The following SEC14L1 variants were observed in gnomAD, a reference collection of about 807,000 sequenced individuals.
SEC14L1 encodes the protein SEC14-like protein 1.
Under a neutral mutation model 85.3 loss-of-function variants are expected in SEC14L1, and 48 were observed. That is an observed-to-expected ratio of 0.56 (90% CI 0.45 to 0.72). The LOEUF is 0.72. Among genes scored for constraint, SEC14L1 ranks in the 30% least tolerant of loss-of-function variants. The probability of loss-of-function intolerance (pLI) is 0.00; values close to 1 mark genes in which losing one functional copy is unlikely to be tolerated. For missense variants in SEC14L1, 682 were observed against 921.4 expected (o/e 0.74, Z 3.36); for synonymous variants, 391 against 355.5 (o/e 1.10, Z -1.12).
rs1225819147 is a variant in SEC14L1 at position 77,184,301 on chromosome 17, G to T, written c.64-6502G>T. ...CCTTTGTTAAATTTATCTGTAACCTGCAGGATGATAATTTGAGGCCCTGTC... is the reference window on the plus strand; with the variant it reads ...CCTTTGTTAAATTTATCTGTAACCTTCAGGATGATAATTTGAGGCCCTGTC... On this transcript the variant is annotated intron_variant, in intron 3 of 16. Transcript: ENST00000436233. Among the ~76,000 whole-genome samples the T allele has an allele frequency of 3.3e-5, 5 of 152,280 alleles. No individual in the cohort carries two copies. The South Asian group carries it at 8.3e-4, about 25-fold the overall frequency.
Position 77,213,176 on chromosome 17 carries a change from A to G in SEC14L1, c.1864-138A>G. The G allele has an allele frequency of 2.8e-6, 2 of 716,712 alleles. No individual in the cohort carries two copies. Among genetic ancestry groups the G allele is most frequent in the Non-Finnish European group, 4.5e-6 (2 of 443,184 alleles). 44.4% of individuals were successfully genotyped at this position (716,712 alleles called of 1,614,324 possible). A position where few individuals can be genotyped will look rare whatever the true frequency, so the allele number is the denominator to read the frequency against. ...AAACCTGCTGCTGAAGCAAAATAGC[A>G]GGTTCTGAATCCCATTGAGATAGTT... On this transcript the variant is annotated intron_variant, in intron 15 of 16. Coordinates refer to ENST00000436233, the MANE Select transcript of SEC14L1 (RefSeq NM_001143998.2). The surrounding 1 kb of genome is among the most constrained non-coding windows in gnomAD (Gnocchi z 7.1).
rs1555628453 is a variant in SEC14L1, at chr17:77,204,522, C to CCTTTTTTTTTTTTTTTTTTTTTTTTTTTT, written c.1099-754_1099-753insCTTTTTTTTTTTTTTTTTTTTTTTTTTTT. 7.1e-5 allele frequency among the ~76,000 whole-genome samples: 6 copies of CCTTTTTTTTTTTTTTTTTTTTTTTTTTTT among 84,728 alleles called. 2 individuals are homozygous for CCTTTTTTTTTTTTTTTTTTTTTTTTTTTT. The highest frequency in any genetic ancestry group is 4.8e-5 in the Non-Finnish European group (2 of 41,888). 55.6% of individuals were successfully genotyped at this position (84,728 alleles called of 152,430 possible). A position where few individuals can be genotyped will look rare whatever the true frequency, so the allele number is the denominator to read the frequency against. On this transcript the variant is annotated intron_variant, in intron 10 of 16. Coordinates refer to ENST00000436233, the MANE Select transcript of SEC14L1 (RefSeq NM_001143998.2). Reference sequence around the variant, plus strand: ...GGCTTGAGCCACCCTGCCCAGCCAGCTTTTTTTTTTTTTTTTTTTTTTTTT... The same window carrying CCTTTTTTTTTTTTTTTTTTTTTTTTTTTT: ...GGCTTGAGCCACCCTGCCCAGCCAGCCTTTTTTTTTTTTTTTTTTTTTTTTTTTTTTTTTTTTTTTTTTTTTTTTTTTTT...
Position 77,215,156 on chromosome 17 carries a change from G to C in SEC14L1, c.*1133G>C. 1 of 985,482 alleles carries C rather than the reference G, an allele frequency of 1.0e-6. No homozygotes were observed. Among genetic ancestry groups the C allele is most frequent in the Non-Finnish European group, 1.2e-6 (1 of 829,992 alleles). The allele number at this position is 985,482 out of a possible 1,614,324, so 61.0% of individuals were successfully genotyped here. Reference sequence around the variant, plus strand: ...TGAGTGGAAACTTAGTTTGAGTAATGAAGGAATCTTCACAGAAGCAAATCA... The same window carrying C: ...TGAGTGGAAACTTAGTTTGAGTAATCAAGGAATCTTCACAGAAGCAAATCA... On this transcript the variant is annotated 3_prime_UTR_variant, in exon 17 of 17. Transcript: ENST00000436233.
intron 2 of SEC14L1, among the ~76,000 whole-genome samples, chr17:77,090,852 G>C (rs924683952): frequency 8.6e-5 from 13 of 151,938 alleles, no homozygotes; most frequent in African/African-American, 3.1e-4. Flanking sequence ...GCTGGGTGTG[G>C]TGACCCATGC....
chr17:77,143,977 AG>A (rs1484342234), intron 3 of SEC14L1: 5 of 256,530 alleles, frequency 1.9e-5, no homozygotes, highest in South Asian at 4.9e-5. Flanking sequence ...TCGTTAGAGT[AG>A]CAAAGGGACA....
intron 3 of SEC14L1, among the ~76,000 whole-genome samples, chr17:77,163,262 A>G (rs552815043): frequency 6.6e-6 from 1 of 152,290 alleles, no homozygotes; most frequent in East Asian, 1.9e-4. Context: ...AGGGGAGAAG[A>G]AAAGCTGGGA....
At chr17:77,189,036 A>G (rs1400450379) in intron 3 of SEC14L1, among the ~76,000 whole-genome samples, 2 of 151,784 alleles carry the variant, frequency 1.3e-5, no homozygotes, top group Admixed American at 6.6e-5. Context: ...GAAATTTACC[A>G]TCTTAACCAT....
chr17:77,168,410 C>T (rs189557501), intron 3 of SEC14L1, among the ~76,000 whole-genome samples: 2 of 152,246 alleles, frequency 1.3e-5, no homozygotes, highest in African/African-American at 4.8e-5. Flanking sequence ...TTTGTGAGAG[C>T]TGTTTCTATA....
intron 8 of SEC14L1, among the ~76,000 whole-genome samples, chr17:77,197,493 T>TA (rs1312410102): frequency 6.6e-6 from 1 of 152,234 alleles, no homozygotes; most frequent in East Asian, 1.9e-4. Flanking sequence ...TCTTAAGTCT[T>TA]ATGATCACTC....
chr17:77,209,202 T>G lies in SEC14L1; in HGVS notation c.1477-140T>G, dbSNP rs181382815. 2.2e-4 allele frequency: 211 copies of G among 947,150 alleles called. 1 individual carries two copies. Among genetic ancestry groups the G allele is most frequent in the Non-Finnish European group, 4.7e-5 (30 of 638,854 alleles). The allele number at this position is 947,150 out of a possible 1,614,324, so 58.7% of individuals were successfully genotyped here. On this transcript the variant is annotated intron_variant, in intron 13 of 16. Transcript: ENST00000436233. ...ATATTGCTCAGTAGTGCAGAGTGTT[T>G]TACGACCCTGCCAGTGTTTTCCATT...
At chr17:77,151,960 T>G (rs1436537183) in intron 3 of SEC14L1, among the ~76,000 whole-genome samples, 1 of 152,206 alleles carries the variant, frequency 6.6e-6, no homozygotes, top group African/African-American at 2.4e-5. Context: ...AGTGTACATC[T>G]CTAACCTTTT....
intron 3 of SEC14L1, chr17:77,093,589 G>A (rs1268020874): frequency 6.6e-6 from 1 of 152,230 alleles, no homozygotes; most frequent in Non-Finnish European, 1.5e-5. Context: ...AAACGACCCA[G>A]CAAGTGCCTC....
At chr17:77,136,071 T>C (rs1450235230), upstream of SEC14L1, among the ~76,000 whole-genome samples, 2 of 151,114 alleles carry the variant, frequency 1.3e-5, no homozygotes, top group African/African-American at 2.4e-5. Flanking sequence ...TAGAGACGGG[T>C]TTCATGTGTT....
chr17:77,136,284 CCTTT>C (rs781692052), upstream of SEC14L1, among the ~76,000 whole-genome samples: 16 of 150,624 alleles, frequency 1.1e-4, no homozygotes, highest in Non-Finnish European at 1.9e-4. Flanking sequence ...TCTCTCTCTT[CCTTT>C]CTTTCTCTCA....
Position 77,214,332 on chromosome 17 carries a change from A to G in SEC14L1, c.*309A>G. 9.1e-7 allele frequency: 1 copy of G among 1,100,306 alleles called. No homozygotes were observed. The highest frequency in any genetic ancestry group is 3.2e-5 in the South Asian group (1 of 31,694). The allele number at this position is 1,100,306 out of a possible 1,614,324, so 68.2% of individuals were successfully genotyped here. On this transcript the variant is annotated 3_prime_UTR_variant, in exon 17 of 17. Transcript: ENST00000436233. ...AATTAAAGGATTGACGTGGTCTCAG[A>G]TATTGATGCAAAAAATTTTTCCAAC... is the stretch of plus-strand genomic sequence containing the variant.
Position 77,167,254 on chromosome 17 carries a change from C to T in SEC14L1, c.64-23549C>T, listed in dbSNP as rs770008537. Among the ~76,000 whole-genome samples, 5 of 151,642 alleles carry T rather than the reference C, an allele frequency of 3.3e-5. No homozygotes were observed. In the South Asian group the frequency reaches 1.0e-3, roughly 31 times the overall value. On this transcript the variant is annotated intron_variant, in intron 3 of 16. Transcript: ENST00000436233. ...TGTTGAAGCAATTCTCCTGCCTCAGCCACCTGAGTAGCTGGGATTACAAGC... is the reference window on the plus strand; with the variant it reads ...TGTTGAAGCAATTCTCCTGCCTCAGTCACCTGAGTAGCTGGGATTACAAGC...
intron 3 of SEC14L1, among the ~76,000 whole-genome samples, chr17:77,147,541 C>T (rs1415846695): frequency 6.6e-6 from 1 of 152,158 alleles, no homozygotes; most frequent in Non-Finnish European, 1.5e-5. Context: ...TCACCTAGCT[C>T]AACCCTCCCT....
At chr17:77,136,929 GAC>G (rs1197384300), upstream of SEC14L1, among the ~76,000 whole-genome samples, 6 of 146,326 alleles carry the variant, frequency 4.1e-5, no homozygotes, top group Non-Finnish European at 9.0e-5. Flanking sequence ...TTTTTTTTGA[GAC>G]AGAGTTTCGC....
chr17:77,132,198 C>G (rs1972632781), intron 3 of SEC14L1, among the ~76,000 whole-genome samples: 1 of 151,506 alleles, frequency 6.6e-6, no homozygotes, highest in Admixed American at 6.6e-5. Flanking sequence ...GTGGTCTCTT[C>G]CTTTATTAGG....
Sources: gnomAD v4.1 joint callset for allele counts (sites outside exome capture counted in the v4.1 genomes callset) on GRCh38, gnomAD v4.1.1 for gene constraint, Gnocchi (gnomAD v3.1) non-coding constraint, MANE v1.5 for transcripts, NCBI Gene and HGNC (gene_info 2026-07-23, HGNC 2026-07-21) for gene names.